The following PLXNC1 variants were observed in gnomAD, a reference collection of about 807,000 sequenced individuals.
The protein encoded by PLXNC1 is plexin-C1.
Under a neutral mutation model 178.2 loss-of-function variants are expected in PLXNC1, and 75 were observed. The observed-to-expected ratio is 0.42, with a 90% CI of 0.35 to 0.51. The LOEUF (loss-of-function observed/expected upper bound fraction) is 0.51. PLXNC1 is among the 20% of genes least tolerant of loss of function. The pLI is 0.02. For missense variants in PLXNC1, 1,503 were observed against 1,984.4 expected (o/e 0.76, Z 4.61); for synonymous variants, 790 against 779.9 (o/e 1.01, Z -0.22).
At chr12:94,157,140 G>A (rs1032886360) in intron 1 of PLXNC1, among the ~76,000 whole-genome samples, 9 of 152,274 alleles carry the variant, frequency 5.9e-5, no homozygotes, top group Non-Finnish European at 1.2e-4. Context: ...TGATGAGCCC[G>A]AGTTCAGTGT....
At chr12:94,189,879 A>G (rs1288320723) in intron 4 of PLXNC1, among the ~76,000 whole-genome samples, 1 of 152,150 alleles carries the variant, frequency 6.6e-6, no homozygotes, top group African/African-American at 2.4e-5. Context: ...ATCTGTGTGG[A>G]AATCGCAGTC....
Position 94,149,509 on chromosome 12 carries a change from G to T in PLXNC1, c.538G>T (p.Ala180Ser). 1 of 1,534,150 alleles carries T rather than the reference G, an allele frequency of 6.5e-7. No individual in the cohort carries two copies. Among genetic ancestry groups the T allele is most frequent in the Non-Finnish European group, 8.7e-7 (1 of 1,146,040 alleles). ...GAACAACCGCTGGTACCTGGCGGTG[G>T]CCGCCACCTACGTGCTGCCTGAGCC... Reference protein sequence around the residue: ...GRNNRWYLAVAATYVLPEPET... With the variant: ...GRNNRWYLAVSATYVLPEPET... The change falls in exon 1 of 31, where the codon GCC becomes TCC. Residue 180 changes from alanine (A) to serine (S), a missense_variant. This residue lies in a region of PLXNC1 where 73 missense variants were observed against 125.4 expected (regional missense o/e 0.58). Coordinates refer to ENST00000258526, the MANE Select transcript of PLXNC1 (RefSeq NM_005761.3).
intron 16 of PLXNC1, 93 bp downstream of exon 16, chr12:94,254,981 G>T: frequency 9.2e-7 from 1 of 1,086,972 alleles, no homozygotes; most frequent in South Asian, 1.4e-5. Flanking sequence ...ACAGTAATGA[G>T]AACTGTTTGT....
At chr12:94,171,456 G>A (rs568138621) in intron 2 of PLXNC1, among the ~76,000 whole-genome samples, 1 of 152,164 alleles carries the variant, frequency 6.6e-6, no homozygotes, top group South Asian at 2.1e-4. Flanking sequence ...GACACAATGG[G>A]GCAGGCCTAC....
intron 28 of PLXNC1, among the ~76,000 whole-genome samples, chr12:94,301,316 G>A (rs972809358): frequency 6.6e-5 from 10 of 152,104 alleles, no homozygotes; most frequent in Non-Finnish European, 1.3e-4. Context: ...CAAAGTATGC[G>A]TTTTGTTTCC....
intron 4 of PLXNC1, among the ~76,000 whole-genome samples, chr12:94,195,524 C>G (rs143372016): frequency 6.6e-6 from 1 of 152,202 alleles, no homozygotes; most frequent in African/African-American, 2.4e-5. Flanking sequence ...CCCAACACTT[C>G]GTGCTCCACC....
chr12:94,201,024 G>T (rs1429961552), intron 4 of PLXNC1, among the ~76,000 whole-genome samples: 1 of 151,860 alleles, frequency 6.6e-6, no homozygotes, highest in Non-Finnish European at 1.5e-5. Flanking sequence ...ATCCAATTCA[G>T]CTACCTTTTG....
At chr12:94,281,563 GT>G (rs1256314927) in intron 22 of PLXNC1, among the ~76,000 whole-genome samples, 8 of 150,658 alleles carry the variant, frequency 5.3e-5, no homozygotes, top group African/African-American at 1.5e-4. Context: ...CAGATATCCA[GT>G]TTTTTATATG....
rs554472169 is a variant in PLXNC1 at position 94,231,813 on chromosome 12, C to T, written c.1980+4578C>T. ...GAAACCTTGTCAGGGACCGTTGGCC[C>T]TTTTACCCTGCCCTGACCACTTCTC... On this transcript the variant is annotated intron_variant, in intron 9 of 30. Transcript: ENST00000258526. Among the ~76,000 whole-genome samples the T allele has an allele frequency of 1.7e-4, 26 of 152,264 alleles. No individual in the cohort carries two copies. The East Asian group carries it at 4.6e-3, about 27-fold the overall frequency.
chr12:94,305,144 C>G (rs186429860), intron 30 of PLXNC1, 37 bp from the exon 31 acceptor site: 18 of 1,388,306 alleles, frequency 1.3e-5, no homozygotes, highest in Non-Finnish European at 1.8e-5. Context: ...AACGCTAAAA[C>G]CACAATATCT....
chr12:94,288,890 TGTGTA>T (rs1966978772), intron 23 of PLXNC1, among the ~76,000 whole-genome samples: 1 of 152,254 alleles, frequency 6.6e-6, no homozygotes, highest in Non-Finnish European at 1.5e-5. Context: ...TCAGAGTTTC[TGTGTA>T]GTGATTTGAT....
intron 1 of PLXNC1, among the ~76,000 whole-genome samples, chr12:94,164,227 C>G (rs1217049735): frequency 1.3e-5 from 2 of 152,180 alleles, no homozygotes; most frequent in South Asian, 4.1e-4. Context: ...ATAAAATTAA[C>G]TGCCCAAGAA....
chr12:94,175,950 G>A (rs903299702), intron 2 of PLXNC1, among the ~76,000 whole-genome samples: 2 of 152,202 alleles, frequency 1.3e-5, no homozygotes, highest in Non-Finnish European at 1.5e-5. Context: ...AAGTGATCAG[G>A]GAAGGCTTCT....
rs546545954 is a variant in PLXNC1 at position 94,209,512 on chromosome 12, T to C, written c.1440-78T>C. The stretch of plus-strand genomic sequence containing the variant: ...TACTGAAGCCAAGTATAAGAAAGTT[T>C]TAACTAATGCACGTATGGGGTCGCT... On this transcript the variant is annotated intron_variant, in intron 4 of 30. Transcript: ENST00000258526. The C allele has an allele frequency of 2.5e-5, 20 of 808,482 alleles. No homozygotes were observed. In the African/African-American group the frequency reaches 3.4e-4, roughly 14 times the overall value. The allele number at this position is 808,482 out of a possible 1,614,324, so 50.1% of individuals were successfully genotyped here.
intron 5 of PLXNC1, among the ~76,000 whole-genome samples, chr12:94,216,205 T>C (rs896662947): frequency 1.3e-5 from 2 of 151,786 alleles, no homozygotes; most frequent in Non-Finnish European, 1.5e-5. Flanking sequence ...GAGGTGAAGG[T>C]TGCAGTGAAC....
chr12:94,294,134 C>G (rs10745682), intron 23 of PLXNC1, among the ~76,000 whole-genome samples: 2 of 151,936 alleles, frequency 1.3e-5, no homozygotes, highest in African/African-American at 4.8e-5. Flanking sequence ...CTGACCTCTG[C>G]GAATTGGGGG....
In PLXNC1 at chr12:94,211,650, A is replaced by C. The variant is rs567937958; in HGVS notation, c.1554+1946A>C. Among the ~76,000 whole-genome samples the C allele has an allele frequency of 5.3e-5, 8 of 152,342 alleles. No individual in the cohort carries two copies. In the South Asian group the frequency reaches 8.3e-4, roughly 16 times the overall value. ...AAGAACCTCTGTTCACAGAAGCTTT[A>C]TTTCTTTCCACAAAACAATTAAAAG... On this transcript the variant is annotated intron_variant, in intron 5 of 30. Transcript: ENST00000258526.
At chr12:94,208,786 C>T (rs1174442930) in intron 4 of PLXNC1, among the ~76,000 whole-genome samples, 3 of 152,194 alleles carry the variant, frequency 2.0e-5, no homozygotes, top group African/African-American at 4.8e-5. Context: ...GTTGGTGCCC[C>T]GTCTGGTGAG....
At chr12:94,301,738 C>A (rs1044812246) in intron 28 of PLXNC1, among the ~76,000 whole-genome samples, 2 of 152,196 alleles carry the variant, frequency 1.3e-5, no homozygotes, top group Non-Finnish European at 2.9e-5. Flanking sequence ...TGATGTTCCA[C>A]AGGTGCCTCA....
Sources: gnomAD v4.1 joint callset for allele counts (sites outside exome capture counted in the v4.1 genomes callset) on GRCh38, gnomAD v4.1.1 for gene constraint, gnomAD v4.1.1 regional missense constraint, MANE v1.5 for transcripts, NCBI Gene and HGNC (gene_info 2026-07-23, HGNC 2026-07-21) for gene names.